The following PHF12 variants were observed in gnomAD, a reference collection of about 807,000 sequenced individuals.
PHF12 encodes the protein PHD finger protein 12.
PHF12 carries 6 observed loss-of-function variants against 99.8 expected under a neutral mutation model. That is an observed-to-expected ratio of 0.06 (90% CI 0.03 to 0.12). PHF12 has a LOEUF of 0.12. Among genes scored for constraint, PHF12 ranks in the 10% least tolerant of loss-of-function variants. The pLI is 1.00. For synonymous variants in PHF12, 480 were observed against 514.9 expected (o/e 0.93, Z 0.92); for missense variants, 954 against 1,300.1 (o/e 0.73, Z 4.09).
In PHF12 at chr17:28,945,420, TGCCAACACCAGAGAGAGGAAAGCTG is replaced by T. The variant is rs551641374; in HGVS notation, c.248+4620_248+4644del. On this transcript the variant is annotated intron_variant, in intron 2 of 14. Transcript: ENST00000332830. ...TCGAAAACCTCATTTTGGATCTCGC[TGCCAACACCAGAGAGAGGAAAGCTG>T]GCCAACAATTCCAAATATAACACGC... 4.6e-5 allele frequency: 7 copies of T among 152,342 alleles called. No individual in the cohort carries two copies. In the East Asian group the frequency reaches 1.3e-3, roughly 29 times the overall value. The allele number at this position is 152,342 out of a possible 1,614,324, so 9.4% of individuals were successfully genotyped here. A position where few individuals can be genotyped will look rare whatever the true frequency, so the allele number is the denominator to read the frequency against.
At chr17:28,944,587 C>G in intron 2 of PHF12, 1 of 878,046 alleles carries the variant, frequency 1.1e-6, no homozygotes, top group Non-Finnish European at 1.4e-6. Context: ...GCGGAGATTG[C>G]AGTGAACTGA....
rs377191933 is a variant in PHF12, at chr17:28,922,807, G to A, written c.716-999C>T. On this transcript the variant is annotated intron_variant, in intron 4 of 14. Transcript: ENST00000332830. ...ATTAAAAAAAGCAAGAAGGCCAGGC[G>A]CAGTGGCTCATGCCTATAATCCCAG... Among the ~76,000 whole-genome samples, 3 of 152,224 alleles carry A rather than the reference G, an allele frequency of 2.0e-5. No homozygotes were observed. In the South Asian group the frequency reaches 6.2e-4, roughly 32 times the overall value.
chr17:28,927,013 T>G lies in PHF12; in HGVS notation c.299A>C (p.His100Pro). 2 of 1,614,152 alleles carry G rather than the reference T, an allele frequency of 1.2e-6. No homozygotes were observed. The highest frequency in any genetic ancestry group is 1.7e-6 in the Non-Finnish European group (2 of 1,180,000). Residue 100 changes from histidine to proline, a missense_variant, in exon 3 of 15, where the codon CAC becomes CCC. His to Pro is a moderately conservative substitution (Grantham distance 77). This residue lies in a region of PHF12 where 109 missense variants were observed against 145.4 expected (regional missense o/e 0.75). Coordinates refer to ENST00000332830, the MANE Select transcript of PHF12 (RefSeq NM_001033561.2). The stretch of plus-strand genomic sequence containing the variant: ...TACCTTTCGGCGAACAGTGCACCGG[T>G]GACACATCCACTCTCCAGGAGGCAA... Reference protein sequence around the residue: ...EMLPPGEWMCHRCTVRRKKRE... With the variant: ...EMLPPGEWMCPRCTVRRKKRE...
chr17:28,911,231 T>C lies in PHF12; in HGVS notation c.2096A>G (p.Lys699Arg), dbSNP rs2039954851. The change falls in exon 10 of 15, where the codon AAG (lysine) becomes AGG (arginine). Residue 699 changes from lysine to arginine, a missense_variant. By Grantham distance (26) the Lys-to-Arg change is conservative. Around this residue, in one of 8 missense-constraint regions of PHF12, gnomAD observed 143 missense variants for 191.8 expected, o/e 0.75. Transcript: ENST00000332830. ...FSSPAPSSDG[K>R]VSPGTLSIGS... is the part of the protein sequence containing the mutation. The stretch of plus-strand genomic sequence containing the variant: ...TATGGATAACGTGCCGGGGCTGACC[T>C]TGCCATCTGGGGACGGAGCAGGAAG... 6.2e-7 allele frequency: 1 copy of C among 1,614,122 alleles called. No homozygotes were observed. Among genetic ancestry groups the C allele is most frequent in the Non-Finnish European group, 8.5e-7 (1 of 1,180,002 alleles).
Position 28,910,276 on chromosome 17 carries a change from G to C in PHF12, c.2309C>G (p.Pro770Arg). 3.7e-6 allele frequency: 6 copies of C among 1,614,196 alleles called. No homozygotes were observed. Among genetic ancestry groups the C allele is most frequent in the Non-Finnish European group, 5.1e-6 (6 of 1,180,036 alleles). ...QLFPSRVQPS[P>R]GSVGTHQLAS... ...CAGCTGATGTGTCCCGACACTGCCCGGTGAAGGTTGGACCCGGGAGGGGAA... is the reference window on the plus strand; with the variant it reads ...CAGCTGATGTGTCCCGACACTGCCCCGTGAAGGTTGGACCCGGGAGGGGAA... The change falls in exon 11 of 15, where the codon CCG becomes CGG. Residue 770 changes from proline (P) to arginine (R), a missense_variant. Pro to Arg is a moderately radical substitution (Grantham distance 103). Coordinates refer to ENST00000332830, the MANE Select transcript of PHF12 (RefSeq NM_001033561.2).
chr17:28,923,347 TAC>T (rs2040199611), intron 4 of PHF12, among the ~76,000 whole-genome samples: 1 of 18,250 alleles, frequency 5.5e-5, no homozygotes. Context: ...GAATGTATAA[TAC>T]TTTTTTTTTT....
chr17:28,906,144 G>C lies in PHF12; in HGVS notation c.*39C>G, dbSNP rs1225750769. 1 of 1,543,202 alleles carries C rather than the reference G, an allele frequency of 6.5e-7. No homozygotes were observed. Among genetic ancestry groups the C allele is most frequent in the Admixed American group, 1.9e-5 (1 of 53,172 alleles). ...TACATTTTTGCATTGCAGGAGTCTT[G>C]GGTGGGTGTACAGGCCAGTGGCGGG... is the stretch of plus-strand genomic sequence containing the variant. On this transcript the variant is annotated 3_prime_UTR_variant, in exon 15 of 15. Coordinates refer to ENST00000332830, the MANE Select transcript of PHF12 (RefSeq NM_001033561.2). The surrounding 1 kb of genome is among the most constrained non-coding windows in gnomAD (Gnocchi z 4.2).
At chr17:28,911,051 T>C (rs2039950599) in intron 10 of PHF12, 61 bp downstream of exon 10, 1 of 1,606,750 alleles carries the variant, frequency 6.2e-7, no homozygotes, top group African/African-American at 1.3e-5. Flanking sequence ...AGCTGAATGC[T>C]GTATAGGAAT....
In PHF12 at chr17:28,906,223, G is replaced by A; in HGVS notation, c.2975C>T (p.Pro992Leu). Residue 992 changes from proline (P) to leucine (L), a missense_variant, in exon 15 of 15, where the codon CCC becomes CTC. Around this residue, in one of 8 missense-constraint regions of PHF12, gnomAD observed 136 missense variants for 172.3 expected, o/e 0.79. Coordinates refer to ENST00000332830, the MANE Select transcript of PHF12 (RefSeq NM_001033561.2). The surrounding 1 kb of genome is among the most constrained non-coding windows in gnomAD (Gnocchi z 4.2). ...GGAGCGCAGCACAGGGCCCTGGTGG[G>A]GCTTGAGAGAGAGCTTCTCGGCCAA... ...GVLAEKLSLKPHQGPVLRSNS... is the reference protein window; with the variant it reads ...GVLAEKLSLKLHQGPVLRSNS... 1 of 1,611,048 alleles carries A rather than the reference G, an allele frequency of 6.2e-7. No individual in the cohort carries two copies. The highest frequency in any genetic ancestry group is 8.5e-7 in the Non-Finnish European group (1 of 1,177,766).
chr17:28,916,085 C>G (rs1156798343), intron 7 of PHF12, among the ~76,000 whole-genome samples: 1 of 152,226 alleles, frequency 6.6e-6, no homozygotes, highest in Non-Finnish European at 1.5e-5. Flanking sequence ...TTTGGAAAAC[C>G]TGTGTCTCCA....
At chr17:28,923,650 T>TAAAAAAAAAAAAAAAAA (rs2040206858) in intron 4 of PHF12, among the ~76,000 whole-genome samples, 1 of 18,664 alleles carries the variant, frequency 5.4e-5, no homozygotes, top group South Asian at 1.4e-3. Flanking sequence ...AAAGTGAGAC[T>TAAAAAAAAAAAAAAAAA]CACAAAAAAA....
intron 12 of PHF12, chr17:28,908,308 G>C (rs1419746572): frequency 6.0e-6 from 1 of 165,304 alleles, no homozygotes; most frequent in Non-Finnish European, 1.3e-5. Flanking sequence ...GCCTGAACAA[G>C]GGAAGACAAG....
intron 2 of PHF12, among the ~76,000 whole-genome samples, chr17:28,939,116 C>G (rs930386184): frequency 2.0e-5 from 3 of 152,244 alleles, no homozygotes; most frequent in Non-Finnish European, 4.4e-5. Context: ...AGCCTGCAGT[C>G]AGATGCCTGA....
rs1400897230 is a variant in PHF12 at position 28,905,681 on chromosome 17, T to C, written c.*502A>G. 6.5e-6 allele frequency: 1 copy of C among 152,726 alleles called. No homozygotes were observed. The highest frequency in any genetic ancestry group is 2.4e-5 in the African/African-American group (1 of 41,412). The allele number at this position is 152,726 out of a possible 1,614,324, so 9.5% of individuals were successfully genotyped here. A position where few individuals can be genotyped will look rare whatever the true frequency, so the allele number is the denominator to read the frequency against. Reference sequence around the variant, plus strand: ...CAGAAAGGGAAAATAACGTGGAGGGTGGGAACCATGGAAGGAAGGTGGGTA... The same window carrying C: ...CAGAAAGGGAAAATAACGTGGAGGGCGGGAACCATGGAAGGAAGGTGGGTA... On this transcript the variant is annotated 3_prime_UTR_variant, in exon 15 of 15. Transcript: ENST00000332830.
chr17:28,944,357 T>A, intron 2 of PHF12: 1 of 568,600 alleles, frequency 1.8e-6, no homozygotes, highest in Non-Finnish European at 2.2e-6. Context: ...TTGCCTTACT[T>A]TACACAAAAA....
chr17:28,914,103 C>T (rs2040018524), intron 7 of PHF12, 66 bp from the exon 8 acceptor site: 1 of 1,497,014 alleles, frequency 6.7e-7, no homozygotes, highest in African/African-American at 1.4e-5. Flanking sequence ...TTGATTCTGC[C>T]CTGGTATGCT....
chr17:28,950,768 C>A lies in PHF12; in HGVS notation c.66+127G>T, dbSNP rs2040796122. ...AAATTGCAAAGAGGGGAGGGAGAGG[C>A]TAGGTGAGGAAGAATCCCCCTCCCT... On this transcript the variant is annotated intron_variant, in intron 1 of 14. Coordinates refer to ENST00000332830, the MANE Select transcript of PHF12 (RefSeq NM_001033561.2). This position sits in a 1 kb window ranked among gnomAD's most constrained non-coding sequence, Gnocchi z 5.7. 7 of 1,366,062 alleles carry A rather than the reference C, an allele frequency of 5.1e-6. No homozygotes were observed. In the South Asian group the frequency reaches 8.7e-5, roughly 17 times the overall value. 84.6% of individuals were successfully genotyped at this position (1,366,062 alleles called of 1,614,324 possible). A position where few individuals can be genotyped will look rare whatever the true frequency, so the allele number is the denominator to read the frequency against.
In PHF12 at chr17:28,907,534, C is replaced by T. The variant is rs897126834; in HGVS notation, c.2541+56G>A. On this transcript the variant is annotated intron_variant, in intron 13 of 14. Transcript: ENST00000332830. ...CAGGGCACTGAACAAAAACCTACTG[C>T]CTGGGAGAGGCCTCAGGTTGGGAAA... 3.9e-5 allele frequency: 61 copies of T among 1,564,964 alleles called. No homozygotes were observed. In the African/African-American group the frequency reaches 6.9e-4, roughly 18 times the overall value.
At chr17:28,917,005 A>ACAGAG (rs747092603) in intron 7 of PHF12, among the ~76,000 whole-genome samples, 16 of 152,184 alleles carry the variant, frequency 1.1e-4, no homozygotes, top group Non-Finnish European at 2.2e-4. Flanking sequence ...GGCAGTAACA[A>ACAGAG]CAGAGCACAT....
Sources: gnomAD v4.1 joint callset for allele counts (sites outside exome capture counted in the v4.1 genomes callset) on GRCh38, gnomAD v4.1.1 for gene constraint, gnomAD v4.1.1 regional missense constraint, Gnocchi (gnomAD v3.1) non-coding constraint, MANE v1.5 for transcripts, NCBI Gene and HGNC (gene_info 2026-07-23, HGNC 2026-07-21) for gene names.